H3-3B: variants seen among roughly 807,000 people sequenced by gnomAD.
The protein encoded by H3-3B is histone H3.3.
A neutral mutation model predicts 13.1 loss-of-function variants in H3-3B; 2 were observed. That is an observed-to-expected ratio of 0.15 (90% CI 0.06 to 0.48). The LOEUF (loss-of-function observed/expected upper bound fraction) is 0.48. Among genes scored for constraint, H3-3B ranks in the 20% least tolerant of loss-of-function variants. The probability of loss-of-function intolerance (pLI) is 0.97; values close to 1 mark genes in which losing one functional copy is unlikely to be tolerated. For missense variants in H3-3B, 39 were observed against 186.0 expected, an observed-to-expected ratio of 0.21 and a Z score of 4.60; for synonymous variants, 133 against 75.8, an observed-to-expected ratio of 1.76 and a Z score of -3.92.
Position 75,778,915 on chromosome 17 carries a change from G to A in H3-3B, c.177C>T (p.Thr59=), listed in dbSNP as rs758681498. ...LREIRRYQKS[T]ELLIRKLPFQ... is the part of the protein sequence containing the mutation. Reference sequence around the variant, plus strand: ...AGGGCAGCTTCCGGATGAGCAGCTCGGTCGACTTCTGATAACGACGAATCT... The same window carrying A: ...AGGGCAGCTTCCGGATGAGCAGCTCAGTCGACTTCTGATAACGACGAATCT... The change falls in exon 3 of 4, where the codon ACC becomes ACT. Residue 59 remains threonine (T), a synonymous_variant. Transcript: ENST00000254810. The A allele has an allele frequency of 1.7e-5, 27 of 1,614,038 alleles. No individual in the cohort carries two copies. The highest frequency in any genetic ancestry group is 2.7e-5 in the African/African-American group (2 of 74,928).
At position 75,778,432 on chromosome 17, in the gene H3-3B, G is replaced by T. The variant is rs1439460707; in HGVS notation, c.*163C>A. On this transcript the variant is annotated 3_prime_UTR_variant, in exon 4 of 4. Coordinates refer to ENST00000254810, the MANE Select transcript of H3-3B (RefSeq NM_005324.5). ...CCTGAGCAACAGTGCTCACATCACT[G>T]AGGTCTGTGAACAGTCACTTTTCGC... is the stretch of plus-strand genomic sequence containing the variant. 1.1e-6 allele frequency: 1 copy of T among 936,116 alleles called. No individual in the cohort carries two copies. The highest frequency in any genetic ancestry group is 1.6e-6 in the Non-Finnish European group (1 of 625,248). 58.0% of individuals were successfully genotyped at this position (936,116 alleles called of 1,614,324 possible). A position where few individuals can be genotyped will look rare whatever the true frequency, so the allele number is the denominator to read the frequency against.
Position 75,778,360 on chromosome 17 carries a change from A to T in H3-3B, c.*235T>A. ...ACATACAGAAACATGCATCATGAGA[A>T]GCAAGAAGTATCACCCATCCCTTCT... On this transcript the variant is annotated 3_prime_UTR_variant, in exon 4 of 4. Coordinates refer to ENST00000254810, the MANE Select transcript of H3-3B (RefSeq NM_005324.5). 1 of 546,774 alleles carries T rather than the reference A, an allele frequency of 1.8e-6. No individual in the cohort carries two copies. Among genetic ancestry groups the T allele is most frequent in the Non-Finnish European group, 3.2e-6 (1 of 310,914 alleles). The allele number at this position is 546,774 out of a possible 1,614,324, so 33.9% of individuals were successfully genotyped here. A position where few individuals can be genotyped will look rare whatever the true frequency, so the allele number is the denominator to read the frequency against.
Position 75,776,874 on chromosome 17 carries a change from G to A in H3-3B, c.*1721C>T, listed in dbSNP as rs2143624822. 1 of 152,330 alleles carries A rather than the reference G, an allele frequency of 6.6e-6. No homozygotes were observed. The highest frequency in any genetic ancestry group is 1.9e-4 in the East Asian group (1 of 5,192). The allele number at this position is 152,330 out of a possible 1,614,324, so 9.4% of individuals were successfully genotyped here. A position where few individuals can be genotyped will look rare whatever the true frequency, so the allele number is the denominator to read the frequency against. On this transcript the variant is annotated 3_prime_UTR_variant, in exon 4 of 4. Coordinates refer to ENST00000254810, the MANE Select transcript of H3-3B (RefSeq NM_005324.5). ...TGAGGAATCAAGTGTGCTTGTTCCAGAGCTGATTATGAACTTTCTAGAAAA... is the reference window on the plus strand; with the variant it reads ...TGAGGAATCAAGTGTGCTTGTTCCAAAGCTGATTATGAACTTTCTAGAAAA...
At chr17:75,779,424 G>A in intron 1 of H3-3B, 1 of 341,688 alleles carries the variant, frequency 2.9e-6, no homozygotes, top group East Asian at 4.5e-5. Flanking sequence ...TCCCTTCCTC[G>A]ACGGGCGGAG....
intron 1 of H3-3B, 135 bp from the exon 2 acceptor site, chr17:75,779,319 G>A (rs977841722): frequency 4.4e-5 from 42 of 955,116 alleles, no homozygotes; most frequent in Admixed American, 1.7e-4. Flanking sequence ...GCAGCAGATG[G>A]CCGAGGGCCG....
chr17:75,776,536 T>C lies in H3-3B; in HGVS notation c.*2059A>G, dbSNP rs551350802. On this transcript the variant is annotated 3_prime_UTR_variant, in exon 4 of 4. Coordinates refer to ENST00000254810, the MANE Select transcript of H3-3B (RefSeq NM_005324.5). ...TCCTTTGCCTCTGCTCCTTTACCCT[T>C]ACCGAGGGATATCCCATACAGGAAG... 1.3e-5 allele frequency: 2 copies of C among 152,342 alleles called. No homozygotes were observed. The highest frequency in any genetic ancestry group is 4.8e-5 in the African/African-American group (2 of 41,576). The allele number at this position is 152,342 out of a possible 1,614,324, so 9.4% of individuals were successfully genotyped here.
At chr17:75,779,419 T>G in intron 1 of H3-3B, 1 of 344,392 alleles carries the variant, frequency 2.9e-6, no homozygotes, top group Non-Finnish European at 5.2e-6. Context: ...TCACTTCCCT[T>G]CCTCGACGGG....
chr17:75,778,619 G>C lies in H3-3B; in HGVS notation c.387C>G (p.Arg129=). 1 of 1,613,960 alleles carries C rather than the reference G, an allele frequency of 6.2e-7. No homozygotes were observed. Among genetic ancestry groups the C allele is most frequent in the Non-Finnish European group, 8.5e-7 (1 of 1,179,952 alleles). ...TIMPKDIQLA[R]RIRGERA ...CTTAAGCTCTCTCTCCCCGTATCCG[G>C]CGAGCCAACTGGATGTCTTTGGGCA... The change falls in exon 4 of 4, where the codon CGC becomes CGG. Residue 129 remains arginine, a synonymous_variant. Coordinates refer to ENST00000254810, the MANE Select transcript of H3-3B (RefSeq NM_005324.5).
Position 75,776,673 on chromosome 17 carries a change from C to G in H3-3B, c.*1922G>C, listed in dbSNP as rs949396268. ...CAAGCTGCCCAATATAATCTAAGAG[C>G]CTTCTATGCCAGCCTGCAGACTGGA... On this transcript the variant is annotated 3_prime_UTR_variant, in exon 4 of 4. Transcript: ENST00000254810. The G allele has an allele frequency of 6.6e-6, 1 of 152,206 alleles. No homozygotes were observed. Among genetic ancestry groups the G allele is most frequent in the African/African-American group, 2.4e-5 (1 of 41,450 alleles). The allele number at this position is 152,206 out of a possible 1,614,324, so 9.4% of individuals were successfully genotyped here.
rs372462541 is a variant in H3-3B at position 75,778,731 on chromosome 17, G to A, written c.283-8C>T. The A allele has an allele frequency of 2.5e-6, 4 of 1,614,042 alleles. No homozygotes were observed. In the African/African-American group the frequency reaches 5.3e-5, roughly 22 times the overall value. ...GTACGCTTCGCTAGCCTCCTGTTGA[G>A]GACGAGAGCCGCACTATTAATCCCA... On this transcript the variant is annotated splice_region_variant and splice_polypyrimidine_tract_variant and intron_variant, in intron 3 of 3. Transcript: ENST00000254810.
At position 75,777,071 on chromosome 17, in the gene H3-3B, G is replaced by A. The variant is rs571237598; in HGVS notation, c.*1524C>T. ...GCTAACTTCAAACGTGGAACGCTTT[G>A]ATGACTGCTGGCTCTCATGCTGTCT... On this transcript the variant is annotated 3_prime_UTR_variant, in exon 4 of 4. Coordinates refer to ENST00000254810, the MANE Select transcript of H3-3B (RefSeq NM_005324.5). 1 of 152,188 alleles carries A rather than the reference G, an allele frequency of 6.6e-6. No individual in the cohort carries two copies. Among genetic ancestry groups the A allele is most frequent in the Non-Finnish European group, 1.5e-5 (1 of 68,040 alleles). 9.4% of individuals were successfully genotyped at this position (152,188 alleles called of 1,614,324 possible). A position where few individuals can be genotyped will look rare whatever the true frequency, so the allele number is the denominator to read the frequency against.
In H3-3B at chr17:75,778,981, G is replaced by A. The variant is rs1567785570; in HGVS notation, c.129-18C>T. The A allele has an allele frequency of 1.2e-6, 2 of 1,613,946 alleles. No homozygotes were observed. Among genetic ancestry groups the A allele is most frequent in the African/African-American group, 1.3e-5 (1 of 75,058 alleles). ...TCCCGGGCCTGCAGCGAGCAGGGGA[G>A]GAGTGAGCGGACGCTGCCGCACAAA... On this transcript the variant is annotated intron_variant, in intron 2 of 3. Coordinates refer to ENST00000254810, the MANE Select transcript of H3-3B (RefSeq NM_005324.5).
chr17:75,779,025 A>G (rs760174028), intron 2 of H3-3B, 22 bp downstream of exon 2: 5 of 1,609,770 alleles, frequency 3.1e-6, no homozygotes, highest in Non-Finnish European at 3.4e-6. Context: ...CCGCCGGGCC[A>G]TTGTTCCCCC....
In H3-3B at chr17:75,779,626, T is replaced by C. The variant is rs539128750; in HGVS notation, c.-11+31A>G. 2.5e-3 allele frequency: 389 copies of C among 155,372 alleles called. 1 individual carries two copies. Among genetic ancestry groups the C allele is most frequent in the Non-Finnish European group, 4.8e-3 (329 of 68,726 alleles). The allele number at this position is 155,372 out of a possible 1,614,324, so 9.6% of individuals were successfully genotyped here. On this transcript the variant is annotated intron_variant, in intron 1 of 3. Coordinates refer to ENST00000254810, the MANE Select transcript of H3-3B (RefSeq NM_005324.5). ...CGCGGCGCCAACGGTTGGCAGAACC[T>C]GAAGCCGCGGGTAAACCTACGAACG...
chr17:75,778,499 C>T lies in H3-3B; in HGVS notation c.*96G>A, dbSNP rs572158192. ...AGATGGAATGACTTAAGTACAAATG[C>T]AACATATTATAAACAATTTCTTACA... On this transcript the variant is annotated 3_prime_UTR_variant, in exon 4 of 4. Transcript: ENST00000254810. The T allele has an allele frequency of 2.0e-6, 3 of 1,493,988 alleles. No homozygotes were observed. Among genetic ancestry groups the T allele is most frequent in the Middle Eastern group, 1.8e-4 (1 of 5,496 alleles). 92.5% of individuals were successfully genotyped at this position (1,493,988 alleles called of 1,614,324 possible). A position where few individuals can be genotyped will look rare whatever the true frequency, so the allele number is the denominator to read the frequency against.
At position 75,778,464 on chromosome 17, in the gene H3-3B, CCTGA is replaced by C. The variant is rs1365585534; in HGVS notation, c.*127_*130del. 2.7e-5 allele frequency: 35 copies of C among 1,302,362 alleles called. No homozygotes were observed. Among genetic ancestry groups the C allele is most frequent in the Non-Finnish European group, 3.6e-5 (34 of 938,372 alleles). 80.7% of individuals were successfully genotyped at this position (1,302,362 alleles called of 1,614,324 possible). A position where few individuals can be genotyped will look rare whatever the true frequency, so the allele number is the denominator to read the frequency against. On this transcript the variant is annotated 3_prime_UTR_variant, in exon 4 of 4. Coordinates refer to ENST00000254810, the MANE Select transcript of H3-3B (RefSeq NM_005324.5). ...GTGAACAGTCACTTTTCGCATTCATCCTGAGTGAAAGATGGAATGACTTAAGTAC... is the reference window on the plus strand; with the variant it reads ...GTGAACAGTCACTTTTCGCATTCATCGTGAAAGATGGAATGACTTAAGTAC...
rs1228821336 is a variant in H3-3B at position 75,777,395 on chromosome 17, C to CA, written c.*1199dup. 6.6e-6 allele frequency: 1 copy of CA among 152,588 alleles called. No homozygotes were observed. Among genetic ancestry groups the CA allele is most frequent in the East Asian group, 1.9e-4 (1 of 5,204 alleles). 9.5% of individuals were successfully genotyped at this position (152,588 alleles called of 1,614,324 possible). A position where few individuals can be genotyped will look rare whatever the true frequency, so the allele number is the denominator to read the frequency against. On this transcript the variant is annotated 3_prime_UTR_variant, in exon 4 of 4. Coordinates refer to ENST00000254810, the MANE Select transcript of H3-3B (RefSeq NM_005324.5). ...GATCTAAGTTCAAAACATTAGTATA[C>CA]AAGGACCTAGATAATGGGACATGTG...
At chr17:75,779,339 T>TC in intron 1 of H3-3B, 155 bp from the exon 2 acceptor site, 2 of 704,056 alleles carry the variant, frequency 2.8e-6, no homozygotes, top group Non-Finnish European at 4.0e-6. Context: ...GCCAACCTCC[T>TC]CCCCCTCCCC....
intron 1 of H3-3B, 176 bp downstream of exon 1, chr17:75,779,481 G>A (rs547103281): frequency 1.3e-5 from 3 of 236,354 alleles, no homozygotes; most frequent in South Asian, 1.6e-4. Context: ...ATCACCGCCG[G>A]GAAAAGGCGG....
Sources: allele counts gnomAD v4.1 joint callset, GRCh38; gene constraint gnomAD v4.1.1; transcripts MANE v1.5; gene names NCBI Gene and HGNC (gene_info 2026-07-23, HGNC 2026-07-21).